Variants in ANGPT2 observed in about 807,000 individuals in gnomAD.
The protein encoded by ANGPT2 is angiopoietin 2.
ANGPT2 carries 28 observed loss-of-function variants against 62.9 expected under a neutral mutation model. The ratio of observed to expected loss-of-function variants is 0.44; its 90% confidence interval spans 0.33 to 0.61. The LOEUF is 0.61. Among genes scored for constraint, ANGPT2 ranks in the 20% least tolerant of loss-of-function variants. ANGPT2 has a pLI of 0.03. For missense variants in ANGPT2, 727 were observed against 594.9 expected, an observed-to-expected ratio of 1.22 and a Z score of -2.31; for synonymous variants, 284 against 207.8, an observed-to-expected ratio of 1.37 and a Z score of -3.15.
At chr8:6,508,649 G>A (rs1012326144) in intron 8 of ANGPT2, 13 of 580,666 alleles carry the variant, frequency 2.2e-5, no homozygotes, top group East Asian at 1.1e-4. Context: ...AAGCACAAAC[G>A]CAGGAGAGCT....
At chr8:6,531,519 T>C (rs548246475) in intron 2 of ANGPT2, among the ~76,000 whole-genome samples, 25 of 152,322 alleles carry the variant, frequency 1.6e-4, no homozygotes, top group Middle Eastern at 3.4e-3. Flanking sequence ...CTCGAACTCC[T>C]GACCTCAGGT....
intron 1 of ANGPT2, among the ~76,000 whole-genome samples, chr8:6,555,281 A>C (rs913795825): frequency 7.9e-5 from 12 of 152,204 alleles, no homozygotes; most frequent in Non-Finnish European, 1.6e-4. Flanking sequence ...AGAGAAGGCC[A>C]CATGGAACTT....
chr8:6,547,793 G>A (rs1439392544), intron 1 of ANGPT2, among the ~76,000 whole-genome samples: 5 of 152,100 alleles, frequency 3.3e-5, no homozygotes, highest in Non-Finnish European at 7.4e-5. Flanking sequence ...GTGGGAATGC[G>A]GGGCCAGGGG....
chr8:6,527,858 C>G lies in ANGPT2; in HGVS notation c.445-182G>C, dbSNP rs1818638537. 2.7e-5 allele frequency among the ~76,000 whole-genome samples: 4 copies of G among 149,920 alleles called. No individual in the cohort carries two copies. The South Asian group carries it at 6.3e-4, about 24-fold the overall frequency. On this transcript the variant is annotated intron_variant, in intron 2 of 8. Coordinates refer to ENST00000629816, the MANE Select transcript of ANGPT2 (RefSeq NM_001118887.2). The stretch of plus-strand genomic sequence containing the variant: ...AAAGGCTCAATGTCTTAGATCACAT[C>G]TGAGTGTGTTAAACCTTTTTACTCT...
In ANGPT2 at chr8:6,503,002, G is replaced by A; in HGVS notation, c.*99C>T. 4.2e-6 allele frequency: 6 copies of A among 1,412,106 alleles called. No individual in the cohort carries two copies. Among genetic ancestry groups the A allele is most frequent in the Non-Finnish European group, 5.9e-6 (6 of 1,019,660 alleles). The allele number at this position is 1,412,106 out of a possible 1,614,324, so 87.5% of individuals were successfully genotyped here. ...CGTCAGCACCGAGCACACGCCCTCT[G>A]TGGTGGAAGAGGACACAGTGCGCAG... On this transcript the variant is annotated 3_prime_UTR_variant, in exon 9 of 9. Coordinates refer to ENST00000629816, the MANE Select transcript of ANGPT2 (RefSeq NM_001118887.2).
At chr8:6,562,511 C>T (rs1825684925) in intron 1 of ANGPT2, 136 bp downstream of exon 1, 5 of 753,342 alleles carry the variant, frequency 6.6e-6, no homozygotes, top group Non-Finnish European at 9.6e-6. Flanking sequence ...TTGAGGGTAC[C>T]AGCAACCCGC....
intron 1 of ANGPT2, among the ~76,000 whole-genome samples, chr8:6,552,979 C>T (rs910262537): frequency 6.6e-6 from 1 of 152,146 alleles, no homozygotes; most frequent in Non-Finnish European, 1.5e-5. Context: ...GCAGGTAGAG[C>T]ACAGAGGATT....
At chr8:6,507,339 A>G (rs1008221450) in intron 8 of ANGPT2, among the ~76,000 whole-genome samples, 4 of 152,178 alleles carry the variant, frequency 2.6e-5, no homozygotes, top group African/African-American at 9.7e-5. Flanking sequence ...ATTTTTGCAG[A>G]TATGATTTAT....
At position 6,503,208 on chromosome 8, in the gene ANGPT2, G is replaced by T; in HGVS notation, c.1381C>A (p.Gln461Lys). 6.2e-7 allele frequency: 1 copy of T among 1,614,146 alleles called. No homozygotes were observed. The highest frequency in any genetic ancestry group is 8.5e-7 in the Non-Finnish European group (1 of 1,180,038). ...PSNLNGMYYPQRQNTNKFNGI... is the reference protein window; with the variant it reads ...PSNLNGMYYPKRQNTNKFNGI... Reference sequence around the variant, plus strand: ...TTGAACTTATTTGTGTTCTGCCTCTGTGGATAGTACATTCCGTTCAAGTTG... The same window carrying T: ...TTGAACTTATTTGTGTTCTGCCTCTTTGGATAGTACATTCCGTTCAAGTTG... The change falls in exon 9 of 9, where the codon CAG (glutamine) becomes AAG (lysine). Residue 461 changes from glutamine (Q) to lysine (K), a missense_variant. By Grantham distance (53) the Gln-to-Lys change is moderately conservative. Transcript: ENST00000629816.
chr8:6,542,051 T>C (rs78681283), intron 1 of ANGPT2, among the ~76,000 whole-genome samples: 1 of 150,152 alleles, frequency 6.7e-6, no homozygotes, highest in East Asian at 2.0e-4. Flanking sequence ...TGATTACAAA[T>C]AGAAGCAGTT....
intron 7 of ANGPT2, among the ~76,000 whole-genome samples, chr8:6,511,503 A>C (rs1164718957): frequency 6.6e-6 from 1 of 152,158 alleles, no homozygotes; most frequent in Non-Finnish European, 1.5e-5. Flanking sequence ...TGCATTTCTT[A>C]TAACATGTAT....
intron 1 of ANGPT2, 128 bp from the exon 2 acceptor site, chr8:6,532,615 G>A (rs1586429034): frequency 3.0e-6 from 2 of 673,672 alleles, no homozygotes; most frequent in Non-Finnish European, 4.3e-6. Context: ...CTTGTACCTT[G>A]CCTTCCTTTT....
Position 6,521,307 on chromosome 8 carries a change from T to A in ANGPT2, c.670A>T (p.Asn224Tyr). 3 of 1,613,840 alleles carry A rather than the reference T, an allele frequency of 1.9e-6. No homozygotes were observed. The highest frequency in any genetic ancestry group is 2.5e-6 in the Non-Finnish European group (3 of 1,179,910). Residue 224 changes from asparagine to tyrosine, a missense_variant, in exon 4 of 9, where the codon AAT (asparagine) becomes TAT (tyrosine). Asn to Tyr is a moderately radical substitution (Grantham distance 143, BLOSUM62 -2). Transcript: ENST00000629816. Reference protein sequence around the residue: ...DQLQVLVSKQNSIIEELEKKI... With the variant: ...DQLQVLVSKQYSIIEELEKKI... ...TTTTCTAGTTCTTCAATGATGGAAT[T>A]TTGCTTGGATACTAACACCTGTAGC...
chr8:6,504,279 C>T (rs1041531974), intron 8 of ANGPT2, among the ~76,000 whole-genome samples: 1 of 136,800 alleles, frequency 7.3e-6, no homozygotes, highest in Non-Finnish European at 1.5e-5. Flanking sequence ...GATCGCGCCA[C>T]TGCACTCCAG....
chr8:6,513,054 A>T (rs1815492161), intron 7 of ANGPT2, among the ~76,000 whole-genome samples: 1 of 152,256 alleles, frequency 6.6e-6, no homozygotes, highest in Non-Finnish European at 1.5e-5. Flanking sequence ...GTGACATATT[A>T]TCATGGGAAC....
intron 1 of ANGPT2, among the ~76,000 whole-genome samples, chr8:6,546,175 G>C (rs80345893): frequency 0.026 from 3,936 of 152,346 alleles, 95 homozygotes; most frequent in East Asian, 0.098. Flanking sequence ...GAATGAGTTA[G>C]CACAATTCCC....
At position 6,515,862 on chromosome 8, in the gene ANGPT2, C is replaced by G. The variant is rs1010545239; in HGVS notation, c.928-1084G>C. On this transcript the variant is annotated intron_variant, in intron 5 of 8. Coordinates refer to ENST00000629816, the MANE Select transcript of ANGPT2 (RefSeq NM_001118887.2). Reference sequence around the variant, plus strand: ...TGTTCTCTGTTTACGAGTTAGAATCCTAAAGAGGAGAGCGAAAAGAGAACC... The same window carrying G: ...TGTTCTCTGTTTACGAGTTAGAATCGTAAAGAGGAGAGCGAAAAGAGAACC... Among the ~76,000 whole-genome samples, 3 of 152,136 alleles carry G rather than the reference C, an allele frequency of 2.0e-5. No individual in the cohort carries two copies. The East Asian group carries it at 5.8e-4, about 29-fold the overall frequency.
chr8:6,544,891 A>AGATTCT lies in ANGPT2; in HGVS notation c.289-12410_289-12405dup, dbSNP rs143027622. ...ATTTCAGATTGAACCTGCTAACATC[A>AGATTCT]GATTCTTTGGTCAGTAGTCTCACTA... On this transcript the variant is annotated intron_variant, in intron 1 of 8. Transcript: ENST00000629816. Among the ~76,000 whole-genome samples the AGATTCT allele has an allele frequency of 8.4e-3, 1,281 of 152,330 alleles. 18 individuals are homozygous for AGATTCT. Among genetic ancestry groups the AGATTCT allele is most frequent in the African/African-American group, 0.029 (1,195 of 41,584 alleles).
intron 1 of ANGPT2, among the ~76,000 whole-genome samples, chr8:6,539,036 TG>T (rs1821020790): frequency 6.6e-6 from 1 of 151,926 alleles, no homozygotes; most frequent in Non-Finnish European, 1.5e-5. Context: ...GGCTTGTGTG[TG>T]TGTGTGTGTG....
Sources: gnomAD v4.1 joint callset for allele counts (sites outside exome capture counted in the v4.1 genomes callset) on GRCh38, gnomAD v4.1.1 for gene constraint, MANE v1.5 for transcripts, NCBI Gene and HGNC (gene_info 2026-07-23, HGNC 2026-07-21) for gene names.